GLIS3: variants seen among roughly 807,000 people sequenced by gnomAD.
The protein encoded by GLIS3 is zinc finger protein GLIS3.
In GLIS3, 53 loss-of-function variants were observed where a neutral mutation model predicts 78.6. That is an observed-to-expected ratio of 0.67 (90% CI 0.54 to 0.85). The LOEUF (loss-of-function observed/expected upper bound fraction) is 0.85. Among genes scored for constraint, GLIS3 ranks in the 40% least tolerant of loss-of-function variants. GLIS3 has a pLI of 0.00. For missense variants in GLIS3, 1,703 were observed against 1,231.1 expected (o/e 1.38, Z -5.74); for synonymous variants, 684 against 509.9 (o/e 1.34, Z -4.60).
chr9:4,443,809 T>C, the GLIS3 span, among the ~76,000 whole-genome samples: 1 of 152,196 alleles, frequency 6.6e-6, no homozygotes, highest in Non-Finnish European at 1.5e-5. Context: ...AAAGTCCTTG[T>C]TTTCCCCAAA....
the GLIS3 span, among the ~76,000 whole-genome samples, chr9:4,420,049 T>G: frequency 5.3e-5 from 8 of 152,162 alleles, no homozygotes; most frequent in South Asian, 2.1e-4. Flanking sequence ...TTTAGAGCAA[T>G]GTCCTGAAGC....
chr9:4,039,327 G>T (rs1824600620), intron 4 of GLIS3, among the ~76,000 whole-genome samples: 1 of 152,190 alleles, frequency 6.6e-6, no homozygotes, highest in Non-Finnish European at 1.5e-5. Flanking sequence ...GTCCAATGCA[G>T]TATTATCTAG....
intron 2 of GLIS3, among the ~76,000 whole-genome samples, chr9:4,144,258 T>A (rs1001473981): frequency 6.6e-6 from 1 of 152,230 alleles, no homozygotes; most frequent in Non-Finnish European, 1.5e-5. Flanking sequence ...AGGCGGATAA[T>A]TCAGCTCAAC....
At position 4,195,630 on chromosome 9, in the gene GLIS3, T is replaced by G. The variant is rs796601495; in HGVS notation, c.389-69689A>C. On this transcript the variant is annotated intron_variant, in intron 2 of 10. Transcript: ENST00000381971. ...CCTCCCAGATGGGCACGCCCCCTGT[T>G]CCACAGCGCCTGGTCCCATCGACCG... 1.1e-4 allele frequency among the ~76,000 whole-genome samples: 17 copies of G among 152,358 alleles called. 1 individual carries two copies. The highest frequency in any genetic ancestry group is 4.1e-4 in the African/African-American group (17 of 41,590).
At chr9:4,413,013 C>A in the GLIS3 span, among the ~76,000 whole-genome samples, 1 of 152,220 alleles carries the variant, frequency 6.6e-6, no homozygotes, top group Non-Finnish European at 1.5e-5. Context: ...TAAGAAACTT[C>A]TGTCTTGTTA....
chr9:4,315,651 C>G (rs1305399806), intron 2 of GLIS3, among the ~76,000 whole-genome samples: 2 of 152,144 alleles, frequency 1.3e-5, no homozygotes, highest in African/African-American at 4.8e-5. Flanking sequence ...GCTACATTCT[C>G]ATGAACTTTC....
chr9:4,458,754 C>G, the GLIS3 span, among the ~76,000 whole-genome samples: 5 of 152,054 alleles, frequency 3.3e-5, no homozygotes, highest in Non-Finnish European at 4.4e-5. Flanking sequence ...GATGAGATCG[C>G]ACCACTGCAC....
chr9:4,353,993 A>ATTTTTTTTTTTTTTTTTTTTTTT, the GLIS3 span, among the ~76,000 whole-genome samples: 1 of 135,756 alleles, frequency 7.4e-6, no homozygotes. Flanking sequence ...ACACCCGGCT[A>ATTTTTTTTTTTTTTTTTTTTTTT]TTTTTTTTTT....
intron 2 of GLIS3, among the ~76,000 whole-genome samples, chr9:4,207,999 A>G (rs779002386): frequency 1.3e-5 from 2 of 152,192 alleles, no homozygotes; most frequent in Non-Finnish European, 2.9e-5. Flanking sequence ...CAGCACAGTT[A>G]GTGTGTGTGA....
intron 2 of GLIS3, among the ~76,000 whole-genome samples, chr9:4,272,651 G>C (rs925367930): frequency 3.9e-5 from 6 of 152,138 alleles, no homozygotes; most frequent in Non-Finnish European, 7.4e-5. Context: ...TTCAACTCTA[G>C]AATAACCAGA....
chr9:4,203,601 TG>T (rs998019425), intron 2 of GLIS3, among the ~76,000 whole-genome samples: 25 of 152,240 alleles, frequency 1.6e-4, no homozygotes, highest in African/African-American at 5.8e-4. Flanking sequence ...TTACTGGATC[TG>T]GGTATATATC....
chr9:4,435,793 C>T, the GLIS3 span, among the ~76,000 whole-genome samples: 1 of 151,964 alleles, frequency 6.6e-6, no homozygotes, highest in Non-Finnish European at 1.5e-5. Context: ...ACTAAAAATA[C>T]AAAAAATTAG....
chr9:4,146,697 A>C (rs754682098), intron 2 of GLIS3, among the ~76,000 whole-genome samples: 2 of 152,226 alleles, frequency 1.3e-5, no homozygotes, highest in Non-Finnish European at 2.9e-5. Flanking sequence ...GTAGGGACAG[A>C]ACCCTGAATA....
the GLIS3 span, among the ~76,000 whole-genome samples, chr9:4,369,669 G>C: frequency 6.6e-6 from 1 of 152,140 alleles, no homozygotes; most frequent in African/African-American, 2.4e-5. Flanking sequence ...GGAGGATTAT[G>C]ATATAACAAT....
At chr9:3,917,859 T>C (rs1824624654) in intron 6 of GLIS3, among the ~76,000 whole-genome samples, 1 of 152,210 alleles carries the variant, frequency 6.6e-6, no homozygotes. Context: ...GAGTGAAGTG[T>C]TGCACTGCCT....
chr9:4,228,104 G>A (rs1423766713), intron 2 of GLIS3, among the ~76,000 whole-genome samples: 10 of 149,716 alleles, frequency 6.7e-5, no homozygotes, highest in African/African-American at 2.2e-4. Context: ...GTTATCAAGT[G>A]ATCAGGGCCT....
intron 9 of GLIS3, among the ~76,000 whole-genome samples, chr9:3,845,091 G>A (rs952056972): frequency 1.3e-5 from 2 of 151,972 alleles, no homozygotes; most frequent in African/African-American, 4.8e-5. Context: ...GTGTGTACAG[G>A]AGTGTTTATA....
At chr9:4,368,069 T>G in the GLIS3 span, among the ~76,000 whole-genome samples, 1 of 152,224 alleles carries the variant, frequency 6.6e-6, no homozygotes, top group Non-Finnish European at 1.5e-5. Flanking sequence ...ACCAGTCAAT[T>G]CTTGCTTATT....
intron 2 of GLIS3, among the ~76,000 whole-genome samples, chr9:4,265,031 G>C (rs1447435014): frequency 6.6e-6 from 1 of 151,922 alleles, no homozygotes; most frequent in Non-Finnish European, 1.5e-5. Context: ...AATTAGCCGG[G>C]TGTGGTGGCG....
Sources: gnomAD v4.1 joint callset for allele counts (sites outside exome capture counted in the v4.1 genomes callset) on GRCh38, gnomAD v4.1.1 for gene constraint, MANE v1.5 for transcripts, NCBI Gene and HGNC (gene_info 2026-07-23, HGNC 2026-07-21) for gene names.